The following WASHC3 variants were observed in gnomAD, a reference collection of about 807,000 sequenced individuals.
WASHC3 encodes WASH complex subunit CCDC53.
WASHC3 carries 24 observed loss-of-function variants against 26.1 expected under a neutral mutation model. The ratio of observed to expected loss-of-function variants is 0.92; its 90% CI spans 0.66 to 1.29. The LOEUF is 1.29. Ranked by LOEUF, WASHC3 falls within the 50% of genes most tolerant of loss-of-function variation. WASHC3 has a pLI of 0.00. For synonymous variants in WASHC3, 77 were observed against 75.7 expected (o/e 1.02, Z -0.09); for missense variants, 214 against 229.6 (o/e 0.93, Z 0.44).
At chr12:102,030,489 AT>A (rs1413095402) in intron 5 of WASHC3, among the ~76,000 whole-genome samples, 1 of 152,226 alleles carries the variant, frequency 6.6e-6, no homozygotes, top group East Asian at 1.9e-4. Context: ...ATTAATTTAA[AT>A]AAATTTTTTA....
intron 6 of WASHC3, among the ~76,000 whole-genome samples, chr12:102,020,880 G>A (rs1030339490): frequency 2.0e-5 from 3 of 152,162 alleles, no homozygotes; most frequent in Non-Finnish European, 4.4e-5. Context: ...TGAGGAGTTC[G>A]AGACCAGTCT....
intron 6 of WASHC3, among the ~76,000 whole-genome samples, chr12:102,014,354 A>AT (rs1876610733): frequency 7.6e-4 from 2 of 2,620 alleles, no homozygotes; most frequent in South Asian, 0.029. Flanking sequence ...TATAGATGCG[A>AT]GCCCGTGCCT....
chr12:102,044,285 C>T (rs994980814), intron 3 of WASHC3, 73 bp from the exon 4 acceptor site: 1 of 653,486 alleles, frequency 1.5e-6, no homozygotes, highest in Non-Finnish European at 2.5e-6. Flanking sequence ...TAATAGCTGT[C>T]TTAAGTTTTA....
At chr12:102,057,789 T>A (rs1388154689) in intron 2 of WASHC3, among the ~76,000 whole-genome samples, 1 of 152,086 alleles carries the variant, frequency 6.6e-6, no homozygotes, top group Admixed American at 6.6e-5. Flanking sequence ...AGATAACGTG[T>A]GTTCATGGAT....
chr12:102,052,971 C>A (rs1488052534), intron 2 of WASHC3, among the ~76,000 whole-genome samples: 1 of 152,086 alleles, frequency 6.6e-6, no homozygotes, highest in Admixed American at 6.5e-5. Flanking sequence ...AGACAAATCC[C>A]TGTGGTGAGT....
At chr12:102,030,631 C>G (rs1936627983) in intron 5 of WASHC3, among the ~76,000 whole-genome samples, 1 of 152,044 alleles carries the variant, frequency 6.6e-6, no homozygotes, top group African/African-American at 2.4e-5. Context: ...AACATTTTCA[C>G]AGCAATTAAA....
At chr12:102,023,416 T>A (rs60963603) in intron 6 of WASHC3, among the ~76,000 whole-genome samples, 5,721 of 152,274 alleles carry the variant, frequency 0.038, 147 homozygotes, top group African/African-American at 0.069. Flanking sequence ...GTTTATACTT[T>A]AAAAGAAAAA....
chr12:102,052,521 T>A (rs937660747), intron 2 of WASHC3, among the ~76,000 whole-genome samples: 1 of 151,944 alleles, frequency 6.6e-6, no homozygotes, highest in African/African-American at 2.4e-5. Context: ...CAAGACTGCA[T>A]AGATTGTCTC....
intron 6 of WASHC3, among the ~76,000 whole-genome samples, chr12:102,015,266 G>A (rs917170625): frequency 6.6e-6 from 1 of 152,054 alleles, no homozygotes; most frequent in African/African-American, 2.4e-5. Context: ...ACTCCAATCT[G>A]GGCAACAGAG....
chr12:102,048,569 A>C (rs1213878897), intron 2 of WASHC3, among the ~76,000 whole-genome samples: 1 of 149,964 alleles, frequency 6.7e-6, no homozygotes, highest in African/African-American at 2.4e-5. Flanking sequence ...GTCTCAAAAG[A>C]AAAAAAAAAG....
rs774861898 is a variant in WASHC3, at chr12:102,061,936, C to T, written c.27G>A (p.Met9Ile). MDEDGLPL[M>I]GSGIDLTKVP... The stretch of plus-strand genomic sequence containing the variant: ...CCTTGGTCAGGTCTATGCCTGACCC[C>T]ATGAGAGGAAGCCCGTCCTCATCCA... The change falls in exon 1 of 7, where the codon ATG becomes ATA. Residue 9 changes from methionine to isoleucine, a missense_variant. By Grantham distance (10) the Met-to-Ile change is conservative. Coordinates refer to ENST00000240079, the MANE Select transcript of WASHC3 (RefSeq NM_016053.4). 8.7e-6 allele frequency: 14 copies of T among 1,601,736 alleles called. No individual in the cohort carries two copies. The highest frequency in any genetic ancestry group is 1.2e-5 in the Non-Finnish European group (14 of 1,173,608).
chr12:102,032,792 C>T (rs185762079), intron 5 of WASHC3, among the ~76,000 whole-genome samples: 2 of 152,136 alleles, frequency 1.3e-5, no homozygotes, highest in Admixed American at 1.3e-4. Flanking sequence ...ATGTTGTATT[C>T]CAGAAGTACT....
At position 102,018,762 on chromosome 12, in the gene WASHC3, A is replaced by G. The variant is rs976341480; in HGVS notation, c.501-5570T>C. 3.3e-5 allele frequency among the ~76,000 whole-genome samples: 5 copies of G among 152,166 alleles called. No individual in the cohort carries two copies. The East Asian group carries it at 9.7e-4, about 29-fold the overall frequency. On this transcript the variant is annotated intron_variant, in intron 6 of 6. Transcript: ENST00000240079. The stretch of plus-strand genomic sequence containing the variant: ...TGAGATTACAGGCACGAGCCACTGC[A>G]CCTGGCTCCTCATTCATTTTATTAT...
rs747559847 is a variant in WASHC3 at position 102,039,848 on chromosome 12, G to C, written c.435+20C>G. The C allele has an allele frequency of 1.7e-6, 2 of 1,193,144 alleles. No homozygotes were observed. Among genetic ancestry groups the C allele is most frequent in the Non-Finnish European group, 2.5e-6 (2 of 798,360 alleles). The allele number at this position is 1,193,144 out of a possible 1,614,324, so 73.9% of individuals were successfully genotyped here. The stretch of plus-strand genomic sequence containing the variant: ...TCAAGTGAGGCTGCTACACAAAGAA[G>C]ACAGACCAAGTTAGCTTACCACTTG... On this transcript the variant is annotated intron_variant, in intron 5 of 6. Coordinates refer to ENST00000240079, the MANE Select transcript of WASHC3 (RefSeq NM_016053.4).
At chr12:102,019,445 T>TA in intron 6 of WASHC3, 1 of 305,164 alleles carries the variant, frequency 3.3e-6, no homozygotes, top group South Asian at 2.7e-5. Flanking sequence ...TACTAAAGTT[T>TA]AGCTTCTCCC....
chr12:102,026,368 A>G (rs1367737979), intron 5 of WASHC3, among the ~76,000 whole-genome samples: 2 of 152,204 alleles, frequency 1.3e-5, no homozygotes, highest in Non-Finnish European at 2.9e-5. Context: ...TGACTAAAAT[A>G]CCAGTGGAAG....
chr12:102,061,333 T>C lies in WASHC3; in HGVS notation c.65A>G (p.Gln22Arg), dbSNP rs1878801948. ...GIDLTKVPAI[Q>R]QKRTVAFLNQ... ...TAGAAAAGCCACCGTTCTTTTCTGTTGAATAGCTGGCACCTGTGTTACGTA... is the reference window on the plus strand; with the variant it reads ...TAGAAAAGCCACCGTTCTTTTCTGTCGAATAGCTGGCACCTGTGTTACGTA... The change falls in exon 2 of 7, where the codon CAA (glutamine) becomes CGA (arginine). Residue 22 changes from glutamine to arginine, a missense_variant. Transcript: ENST00000240079. 3 of 1,612,276 alleles carry C rather than the reference T, an allele frequency of 1.9e-6. No individual in the cohort carries two copies. The highest frequency in any genetic ancestry group is 2.5e-6 in the Non-Finnish European group (3 of 1,178,426).
At chr12:102,021,488 A>G (rs963266089) in intron 6 of WASHC3, among the ~76,000 whole-genome samples, 1 of 152,136 alleles carries the variant, frequency 6.6e-6, no homozygotes, top group Admixed American at 6.5e-5. Flanking sequence ...TGATATATCT[A>G]TTATCTCTCT....
intron 4 of WASHC3, among the ~76,000 whole-genome samples, chr12:102,043,167 T>C (rs1038148454): frequency 2.6e-5 from 4 of 152,216 alleles, no homozygotes; most frequent in Admixed American, 6.5e-5. Flanking sequence ...GAGCCTGAGA[T>C]GCTTCATTCT....
Sources: allele counts gnomAD v4.1 joint callset (sites outside exome capture counted in the v4.1 genomes callset), GRCh38; gene constraint gnomAD v4.1.1; transcripts MANE v1.5; gene names NCBI Gene and HGNC (gene_info 2026-07-23, HGNC 2026-07-21).